Variants in PRKD1 observed in about 807,000 individuals in gnomAD.
PRKD1 encodes serine/threonine-protein kinase D1.
In PRKD1, 63 loss-of-function variants were observed where a neutral mutation model predicts 95.9. The ratio of observed to expected loss-of-function variants is 0.66; its 90% CI spans 0.54 to 0.81. The LOEUF is 0.81. Ranked by LOEUF, PRKD1 falls within the 30% of genes least tolerant of loss-of-function variation. The pLI is 0.00. For missense variants in PRKD1, 1,048 were observed against 1,165.3 expected (o/e 0.90, Z 1.47); for synonymous variants, 425 against 423.1 (o/e 1.00, Z -0.05).
At chr14:29,578,543 T>TAAAAAAAAA (rs992449669) in intron 16 of PRKD1, among the ~76,000 whole-genome samples, 183 bp from the exon 17 acceptor site, 18 of 42,700 alleles carry the variant, frequency 4.2e-4, no homozygotes, top group African/African-American at 1.2e-3. Flanking sequence ...TTTTGGATAC[T>TAAAAAAAAA]AAAAAAAAAA....
intron 11 of PRKD1, among the ~76,000 whole-genome samples, chr14:29,627,664 T>A (rs1340874628): frequency 6.7e-6 from 1 of 150,028 alleles, no homozygotes; most frequent in African/African-American, 2.5e-5. Flanking sequence ...TCCTTCTGCA[T>A]GTTCTGCACA....
chr14:29,909,784 C>G (rs755458421), intron 1 of PRKD1, among the ~76,000 whole-genome samples: 1 of 148,592 alleles, frequency 6.7e-6, no homozygotes, highest in East Asian at 2.0e-4. Flanking sequence ...AGAATCTTTA[C>G]GTCTAGCTAA....
At chr14:29,594,697 A>G (rs1893240186) in intron 16 of PRKD1, among the ~76,000 whole-genome samples, 1 of 152,134 alleles carries the variant, frequency 6.6e-6, no homozygotes, top group African/African-American at 2.4e-5. Context: ...GGTGTGGTTT[A>G]AAGTATCCTA....
chr14:29,638,608 T>C lies in PRKD1; in HGVS notation c.908-42A>G, dbSNP rs376819255. The C allele has an allele frequency of 3.1e-6, 5 of 1,613,156 alleles. No homozygotes were observed. The African/African-American group carries it at 4.0e-5, about 13-fold the overall frequency. On this transcript the variant is annotated intron_variant, in intron 5 of 17. Coordinates refer to ENST00000331968, the MANE Select transcript of PRKD1 (RefSeq NM_002742.3). ...TCAAACAAAACAAAATGAGAATTTG[T>C]CATAAAGAAAAGTGGTAACCAGAAA...
intron 2 of PRKD1, among the ~76,000 whole-genome samples, chr14:29,721,624 C>T (rs545084254): frequency 6.6e-6 from 1 of 152,212 alleles, no homozygotes; most frequent in African/African-American, 2.4e-5. Flanking sequence ...CAAATACATT[C>T]CACAACCTTG....
chr14:29,892,581 A>G (rs1318505807), intron 1 of PRKD1, among the ~76,000 whole-genome samples: 1 of 152,172 alleles, frequency 6.6e-6, no homozygotes, highest in Non-Finnish European at 1.5e-5. Flanking sequence ...TACAAGATCT[A>G]GCCTCCTCTC....
At chr14:29,827,652 G>C (rs1891250228) in intron 1 of PRKD1, among the ~76,000 whole-genome samples, 1 of 152,046 alleles carries the variant, frequency 6.6e-6, no homozygotes, top group Non-Finnish European at 1.5e-5. Flanking sequence ...TGATTCATTT[G>C]CACATTAAAA....
chr14:29,632,897 T>C lies in PRKD1; in HGVS notation c.1364A>G (p.Gln455Arg), dbSNP rs1287964203. The C allele has an allele frequency of 8.1e-6, 13 of 1,613,690 alleles. No homozygotes were observed. Among genetic ancestry groups the C allele is most frequent in the Non-Finnish European group, 1.1e-5 (13 of 1,179,580 alleles). ...GTAGTACCTGCTTCCTGTGTCATTCTGAAAGAGGGTAATACATTTGCTATC... is the reference window on the plus strand; with the variant it reads ...GTAGTACCTGCTTCCTGTGTCATTCCGAAAGAGGGTAATACATTTGCTATC... The part of the protein sequence containing the change: ...RLDSKCITLF[Q>R]NDTGSRYYKE... Residue 455 changes from glutamine (Q) to arginine (R), a missense_variant, in exon 9 of 18, where the codon CAG becomes CGG. Around this residue, in one of 3 missense-constraint regions of PRKD1, gnomAD observed 739 missense variants for 861.9 expected, o/e 0.86. Transcript: ENST00000331968.
At position 29,708,398 on chromosome 14, in the gene PRKD1, A is replaced by C. The variant is rs369612736; in HGVS notation, c.403+17138T>G. Among the ~76,000 whole-genome samples, 158 of 152,338 alleles carry C rather than the reference A, an allele frequency of 1.0e-3. 1 individual carries two copies. Among genetic ancestry groups the C allele is most frequent in the African/African-American group, 3.6e-3 (150 of 41,578 alleles). ...CAAGTCTTCATTTTAGTGACTGAAT[A>C]GGTATTAAGTGCATAAGCATCTGAA... On this transcript the variant is annotated intron_variant, in intron 2 of 17. Coordinates refer to ENST00000331968, the MANE Select transcript of PRKD1 (RefSeq NM_002742.3).
At chr14:29,633,239 T>C (rs1272509888) in intron 8 of PRKD1, among the ~76,000 whole-genome samples, 1 of 152,220 alleles carries the variant, frequency 6.6e-6, no homozygotes, top group Non-Finnish European at 1.5e-5. Context: ...AAAACATCAT[T>C]TTTAAGCTTA....
chr14:29,869,428 A>T (rs1893025994), intron 1 of PRKD1, among the ~76,000 whole-genome samples: 1 of 151,492 alleles, frequency 6.6e-6, no homozygotes, highest in African/African-American at 2.4e-5. Context: ...CAAGAGCGAA[A>T]CTCCATCTCA....
intron 1 of PRKD1, among the ~76,000 whole-genome samples, chr14:29,770,700 C>A (rs557543057): frequency 1.3e-5 from 2 of 152,060 alleles, no homozygotes; most frequent in African/African-American, 4.8e-5. Flanking sequence ...GGCATTGTGA[C>A]TCACACCTGT....
At chr14:29,876,716 C>CA (rs201219057) in intron 1 of PRKD1, among the ~76,000 whole-genome samples, 2,354 of 140,590 alleles carry the variant, frequency 0.017, 50 homozygotes, top group African/African-American at 0.055. Context: ...CAAAAACAAA[C>CA]AAACAAAAAA....
At chr14:29,913,987 G>A (rs1894805895) in intron 1 of PRKD1, among the ~76,000 whole-genome samples, 1 of 152,150 alleles carries the variant, frequency 6.6e-6, no homozygotes, top group Non-Finnish European at 1.5e-5. Context: ...AAGTTCAAAA[G>A]TTCCAAATAC....
At chr14:29,641,482 A>C in intron 4 of PRKD1, among the ~76,000 whole-genome samples, 1 of 152,140 alleles carries the variant, frequency 6.6e-6, no homozygotes, top group East Asian at 1.9e-4. Context: ...TGCTGGAAGG[A>C]GACTGTTTGA....
At chr14:29,650,362 C>G (rs977556409) in intron 4 of PRKD1, 1 of 152,388 alleles carries the variant, frequency 6.6e-6, no homozygotes, top group African/African-American at 2.4e-5. Context: ...TTACTGGTTC[C>G]GTTGCACTGT....
At chr14:29,762,574 A>G (rs1183744885) in intron 1 of PRKD1, among the ~76,000 whole-genome samples, 2 of 152,216 alleles carry the variant, frequency 1.3e-5, no homozygotes, top group Non-Finnish European at 2.9e-5. Flanking sequence ...TCAACATTTA[A>G]GAATTATTTC....
At chr14:29,675,966 T>G (rs190986317) in intron 2 of PRKD1, among the ~76,000 whole-genome samples, 1 of 108,974 alleles carries the variant, frequency 9.2e-6, no homozygotes, top group Admixed American at 1.3e-4. Flanking sequence ...ACATCACACA[T>G]CGGGGCCTGT....
chr14:29,856,029 T>C (rs1328267024), intron 1 of PRKD1, among the ~76,000 whole-genome samples: 1 of 152,180 alleles, frequency 6.6e-6, no homozygotes, highest in Non-Finnish European at 1.5e-5. Context: ...TAATCCATCA[T>C]AATAGAGTCA....
Sources: gnomAD v4.1 joint callset for allele counts (sites outside exome capture counted in the v4.1 genomes callset) on GRCh38, gnomAD v4.1.1 for gene constraint, gnomAD v4.1.1 regional missense constraint, MANE v1.5 for transcripts, NCBI Gene and HGNC (gene_info 2026-07-23, HGNC 2026-07-21) for gene names.